MARCHF1: variants seen among roughly 807,000 people sequenced by gnomAD.
MARCHF1 encodes membrane associated ring-CH-type finger 1.
Under a neutral mutation model 54.2 loss-of-function variants are expected in MARCHF1, and 40 were observed. That is an observed-to-expected ratio of 0.74 (90% confidence interval 0.57 to 0.96). The LOEUF (loss-of-function observed/expected upper bound fraction) is 0.96, where lower values mean the gene tolerates loss of function less well. MARCHF1 is among the 40% of genes least tolerant of loss of function. The pLI is 0.00. For missense variants in MARCHF1, 586 were observed against 656.5 expected (o/e 0.89, Z 1.17); for synonymous variants, 236 against 236.3 (o/e 1.00, Z 0.01).
At chr4:163,824,304 G>A (rs1002452851) in intron 4 of MARCHF1, among the ~76,000 whole-genome samples, 24 of 151,882 alleles carry the variant, frequency 1.6e-4, no homozygotes, top group Middle Eastern at 3.4e-3. Flanking sequence ...ATAGATCAAT[G>A]GAACAGAACA....
At chr4:163,700,427 C>T (rs1227029090) in intron 5 of MARCHF1, among the ~76,000 whole-genome samples, 1 of 151,922 alleles carries the variant, frequency 6.6e-6, no homozygotes, top group East Asian at 1.9e-4. Flanking sequence ...ATCGCTTGAA[C>T]CCAGAAGGCG....
At chr4:163,918,103 T>A (rs1751349256) in intron 3 of MARCHF1, among the ~76,000 whole-genome samples, 1 of 152,184 alleles carries the variant, frequency 6.6e-6, no homozygotes, top group Non-Finnish European at 1.5e-5. Context: ...CTTTCAATTT[T>A]CTGTATATGG....
intron 4 of MARCHF1, among the ~76,000 whole-genome samples, chr4:163,843,979 C>CT (rs1560783948): frequency 6.6e-6 from 1 of 151,212 alleles, no homozygotes; most frequent in African/African-American, 2.4e-5. Flanking sequence ...AATTTGTTTT[C>CT]TTTTTTAAAA....
At chr4:164,177,985 G>A (rs1055083179) in intron 1 of MARCHF1, among the ~76,000 whole-genome samples, 1 of 152,132 alleles carries the variant, frequency 6.6e-6, no homozygotes, top group African/African-American at 2.4e-5. Context: ...TTGACAATCC[G>A]TCCTAGACAG....
chr4:163,703,460 A>G (rs1331082377), intron 4 of MARCHF1, among the ~76,000 whole-genome samples: 1 of 152,098 alleles, frequency 6.6e-6, no homozygotes, highest in Non-Finnish European at 1.5e-5. Flanking sequence ...TCCCATTACT[A>G]TTGCAATGTC....
intron 8 of MARCHF1, among the ~76,000 whole-genome samples, chr4:163,558,195 C>T (rs993846231): frequency 5.3e-5 from 8 of 152,048 alleles, no homozygotes; most frequent in South Asian, 4.1e-4. Context: ...GATTATCATC[C>T]GGAGCGGGGA....
intron 1 of MARCHF1, among the ~76,000 whole-genome samples, chr4:164,244,985 G>A (rs1181971610): frequency 6.6e-6 from 1 of 152,098 alleles, no homozygotes; most frequent in African/African-American, 2.4e-5. Context: ...CAGCCAAAAA[G>A]AGTCCAGGAC....
intron 5 of MARCHF1, among the ~76,000 whole-genome samples, chr4:163,648,979 T>C (rs761377384): frequency 2.6e-5 from 4 of 152,008 alleles, no homozygotes; most frequent in Non-Finnish European, 5.9e-5. Flanking sequence ...CCCAATGTGA[T>C]AATATTTTTT....
intron 4 of MARCHF1, among the ~76,000 whole-genome samples, chr4:163,718,893 C>T (rs1450490338): frequency 1.3e-5 from 2 of 152,152 alleles, no homozygotes; most frequent in African/African-American, 4.8e-5. Flanking sequence ...ATTGTAAAAT[C>T]TTTTGTGTTG....
At chr4:163,952,037 TA>T (rs1418261926) in intron 3 of MARCHF1, among the ~76,000 whole-genome samples, 1 of 152,196 alleles carries the variant, frequency 6.6e-6, no homozygotes. Context: ...AAGTAGTTAT[TA>T]GTAGCAACAA....
rs560373107 is a variant in MARCHF1, at chr4:164,241,786, G to A, written c.-322-130124C>T. On this transcript the variant is annotated intron_variant, in intron 1 of 9. Coordinates refer to ENST00000514618, the MANE Select transcript of MARCHF1 (RefSeq NM_001394959.1). ...TGGGTGCGCGCACAGTGCGCGAGCC[G>A]AAGCAGGGCGAGGCATTGCCTCACT... Among the ~76,000 whole-genome samples the A allele has an allele frequency of 2.9e-3, 446 of 152,112 alleles. 1 individual carries two copies. Among genetic ancestry groups the A allele is most frequent in the African/African-American group, 6.7e-3 (280 of 41,482 alleles).
intron 3 of MARCHF1, among the ~76,000 whole-genome samples, chr4:163,970,927 A>G (rs1006448966): frequency 6.6e-6 from 1 of 152,236 alleles, no homozygotes; most frequent in African/African-American, 2.4e-5. Context: ...AGTTGTCAAC[A>G]GTGCTCTTAA....
At position 163,893,326 on chromosome 4, in the gene MARCHF1, A is replaced by G. The variant is rs182816499; in HGVS notation, c.-38-39157T>C. On this transcript the variant is annotated intron_variant, in intron 3 of 9. Transcript: ENST00000514618. ...GCTAATTTTTGTATTTTTAGTAGAG[A>G]CAGGGTTTCACCATGTTGGCCAGAA... Among the ~76,000 whole-genome samples, 202 of 152,142 alleles carry G rather than the reference A, an allele frequency of 1.3e-3. 1 individual carries two copies. The highest frequency in any genetic ancestry group is 4.7e-3 in the African/African-American group (195 of 41,486).
Position 163,928,883 on chromosome 4 carries a change from G to T in MARCHF1, c.-39+59618C>A, listed in dbSNP as rs1470913693. ...TTAATATAACTTTTGAAATCTCACT[G>T]TTCTATTGTTTTCTATAGTGTAGTA... is the stretch of plus-strand genomic sequence containing the variant. On this transcript the variant is annotated intron_variant, in intron 3 of 9. Coordinates refer to ENST00000514618, the MANE Select transcript of MARCHF1 (RefSeq NM_001394959.1). 3.3e-5 allele frequency among the ~76,000 whole-genome samples: 5 copies of T among 151,644 alleles called. No individual in the cohort carries two copies. The South Asian group carries it at 8.3e-4, about 25-fold the overall frequency.
chr4:164,356,226 G>A (rs1730527491), intron 1 of MARCHF1, among the ~76,000 whole-genome samples: 1 of 112,316 alleles, frequency 8.9e-6, no homozygotes, highest in Non-Finnish European at 2.1e-5. Context: ...CAGGGATCTA[G>A]AACTAGAAAT....
chr4:164,197,828 C>T lies in MARCHF1; in HGVS notation c.-322-86166G>A, dbSNP rs569097352. On this transcript the variant is annotated intron_variant, in intron 1 of 9. Transcript: ENST00000514618. ...GACTCAACCAGCTCCGCTCGGTTCT[C>T]GAGCCCCAATATTTACAAATATTAT... The T allele has an allele frequency of 5.4e-4, 816 of 1,501,584 alleles. 10 individuals are homozygous for T. The South Asian group carries it at 9.4e-3, about 17-fold the overall frequency. The allele number at this position is 1,501,584 out of a possible 1,614,324, so 93.0% of individuals were successfully genotyped here. A position where few individuals can be genotyped will look rare whatever the true frequency, so the allele number is the denominator to read the frequency against.
At chr4:163,615,714 T>C (rs1203419408) in intron 5 of MARCHF1, among the ~76,000 whole-genome samples, 1 of 151,926 alleles carries the variant, frequency 6.6e-6, no homozygotes, top group Non-Finnish European at 1.5e-5. Flanking sequence ...TTTGAAGAAA[T>C]AGAAAAAACA....
intron 1 of MARCHF1, among the ~76,000 whole-genome samples, chr4:164,236,746 A>G (rs1404282279): frequency 6.6e-6 from 1 of 152,160 alleles, no homozygotes; most frequent in Non-Finnish European, 1.5e-5. Context: ...CAAATAAAGA[A>G]CTGAGAATAA....
chr4:164,047,408 AG>A (rs1370696612), intron 2 of MARCHF1, among the ~76,000 whole-genome samples: 2 of 152,344 alleles, frequency 1.3e-5, no homozygotes, highest in Admixed American at 1.3e-4. Context: ...CAGGAAACTT[AG>A]GAGCAGAGAA....
Sources: allele counts gnomAD v4.1 joint callset (sites outside exome capture counted in the v4.1 genomes callset), GRCh38; gene constraint gnomAD v4.1.1; transcripts MANE v1.5; gene names NCBI Gene and HGNC (gene_info 2026-07-23, HGNC 2026-07-21).